BUB1: variants seen among roughly 807,000 people sequenced by gnomAD.
BUB1 encodes the protein mitotic checkpoint serine/threonine-protein kinase BUB1.
BUB1 carries 84 observed loss-of-function variants against 135.2 expected under a neutral mutation model. That is an observed-to-expected ratio of 0.62 (90% CI 0.52 to 0.74). The LOEUF (loss-of-function observed/expected upper bound fraction) is 0.74, where lower values mean the gene tolerates loss of function less well. Ranked by LOEUF, BUB1 falls within the 30% of genes least tolerant of loss-of-function variation. The pLI is 0.00. For missense variants in BUB1, 1,162 were observed against 1,288.3 expected, an observed-to-expected ratio of 0.90 and a Z score of 1.50; for synonymous variants, 403 against 434.4, an observed-to-expected ratio of 0.93 and a Z score of 0.90.
In BUB1 at chr2:110,641,649, G is replaced by A; in HGVS notation, c.2618C>T (p.Thr873Ile). ...ATAAAAATGAATACTTACTAATAAT[G>A]TTCCATAGCTGTAGAGCTCTCCTAC... ...VLVGELYSYG[T>I]LLNAINLYKN... The change falls in exon 21 of 25, where the codon ACA (threonine) becomes ATA (isoleucine). Residue 873 changes from threonine to isoleucine, a missense_variant. Thr to Ile is a moderately conservative substitution (Grantham distance 89). Transcript: ENST00000302759. 1 of 1,611,130 alleles carries A rather than the reference G, an allele frequency of 6.2e-7. No homozygotes were observed.
intron 24 of BUB1, among the ~76,000 whole-genome samples, chr2:110,638,926 C>CT (rs954149224): frequency 1.5e-4 from 22 of 147,730 alleles, no homozygotes; most frequent in Admixed American, 4.1e-4. Context: ...TGCCATTTTT[C>CT]TTTTTTTTTT....
rs750915027 is a variant in BUB1 at position 110,667,531 on chromosome 2, A to G, written c.795T>C (p.His265=). ...CAAGATTGCAAGTACCCCATTGCTC[A>G]TGCTTTCTCCGTTGATTGTATTTCT... The part of the protein sequence containing the change: ...RAQKYNQRRK[H]EQWVNEDRHY... The change falls in exon 8 of 25, where the codon CAT becomes CAC. Residue 265 remains histidine (H), a synonymous_variant. Transcript: ENST00000302759. 1.2e-6 allele frequency: 2 copies of G among 1,611,910 alleles called. No homozygotes were observed. Among genetic ancestry groups the G allele is most frequent in the African/African-American group, 2.7e-5 (2 of 74,802 alleles).
chr2:110,662,565 C>T (rs968615153), intron 9 of BUB1, among the ~76,000 whole-genome samples: 5 of 152,070 alleles, frequency 3.3e-5, no homozygotes, highest in African/African-American at 1.2e-4. Context: ...TTTGGGAGAC[C>T]GAGGCTGGTG....
At chr2:110,671,330 G>A (rs1465720635) in intron 4 of BUB1, among the ~76,000 whole-genome samples, 1 of 152,192 alleles carries the variant, frequency 6.6e-6, no homozygotes, top group Admixed American at 6.5e-5. Context: ...ATATTTTGCT[G>A]TTATGGATCG....
intron 9 of BUB1, among the ~76,000 whole-genome samples, chr2:110,664,797 T>C (rs1223596028): frequency 2.0e-5 from 3 of 151,736 alleles, no homozygotes; most frequent in Non-Finnish European, 2.9e-5. Context: ...AATAGAAAAA[T>C]GGACAAAGCC....
In BUB1 at chr2:110,667,504, T is replaced by C. The variant is rs186994677; in HGVS notation, c.805+17A>G. 18 of 1,589,498 alleles carry C rather than the reference T, an allele frequency of 1.1e-5. No homozygotes were observed. In the East Asian group the frequency reaches 4.0e-4, roughly 36 times the overall value. On this transcript the variant is annotated intron_variant, in intron 8 of 24. Coordinates refer to ENST00000302759, the MANE Select transcript of BUB1 (RefSeq NM_004336.5). The stretch of plus-strand genomic sequence containing the variant: ...TATGTGACATAAGAATAACTAAAAA[T>C]ACAAGATTGCAAGTACCCCATTGCT...
intron 16 of BUB1, 112 bp from the exon 17 acceptor site, chr2:110,653,635 TATG>T (rs547478035): frequency 3.6e-6 from 3 of 828,044 alleles, no homozygotes; most frequent in Non-Finnish European, 5.8e-6. Context: ...TGACTTGCAT[TATG>T]ATTTCAAAAT....
At chr2:110,644,415 T>G (rs1305414366) in intron 19 of BUB1, among the ~76,000 whole-genome samples, 1 of 147,756 alleles carries the variant, frequency 6.8e-6, no homozygotes, top group East Asian at 2.0e-4. Context: ...AGGCGGAGGT[T>G]GCAGTGCACC....
Position 110,672,621 on chromosome 2 carries a change from A to G in BUB1, c.422+40T>C, listed in dbSNP as rs780524401. On this transcript the variant is annotated intron_variant, in intron 4 of 24. Coordinates refer to ENST00000302759, the MANE Select transcript of BUB1 (RefSeq NM_004336.5). ...TTTTTAACAGCAAACATTACTTTTC[A>G]AAGTCAGAATCATCACAGAGAGTTT... 5 of 1,514,650 alleles carry G rather than the reference A, an allele frequency of 3.3e-6. No homozygotes were observed. The East Asian group carries it at 9.1e-5, about 28-fold the overall frequency. 93.8% of individuals were successfully genotyped at this position (1,514,650 alleles called of 1,614,324 possible).
rs369663570 is a variant in BUB1 at position 110,674,095 on chromosome 2, A to G, written c.216T>C (p.Cys72=). 10 of 1,524,458 alleles carry G rather than the reference A, an allele frequency of 6.6e-6. No homozygotes were observed. Among genetic ancestry groups the G allele is most frequent in the Admixed American group, 1.8e-5 (1 of 56,734 alleles). The allele number at this position is 1,524,458 out of a possible 1,614,324, so 94.4% of individuals were successfully genotyped here. ...TCTTAAGTATACTTACAAATTTTAA[A>G]CAATAACTGATGAATCTTGGGTCAT... ...YHNDPRFISY[C]LKFAEYNSDL... The change falls in exon 3 of 25, where the codon TGT becomes TGC. Residue 72 remains cysteine (C), a synonymous_variant. Transcript: ENST00000302759.
intron 1 of BUB1, 32 bp downstream of exon 1, chr2:110,677,938 G>C: frequency 1.9e-6 from 3 of 1,602,458 alleles, no homozygotes; most frequent in Non-Finnish European, 2.6e-6. Context: ...CCAGCCCCCT[G>C]GGCTTCCCCA....
intron 4 of BUB1, 60 bp from the exon 5 acceptor site, chr2:110,670,628 G>T: frequency 6.5e-7 from 1 of 1,535,556 alleles, no homozygotes; most frequent in Non-Finnish European, 9.0e-7. Context: ...ATAGCTGTTA[G>T]AGTGAAAACT....
rs1574323503 is a variant in BUB1, at chr2:110,655,599, A to G, written c.1876+140T>C. 26 of 830,854 alleles carry G rather than the reference A, an allele frequency of 3.1e-5. No homozygotes were observed. In the East Asian group the frequency reaches 6.9e-4, roughly 22 times the overall value. The allele number at this position is 830,854 out of a possible 1,614,324, so 51.5% of individuals were successfully genotyped here. A position where few individuals can be genotyped will look rare whatever the true frequency, so the allele number is the denominator to read the frequency against. The stretch of plus-strand genomic sequence containing the variant: ...CTATGAACAAAAATACAATGAACAG[A>G]TTTTAAGTTTCTTCTTTATGATTTT... On this transcript the variant is annotated intron_variant, in intron 16 of 24. Transcript: ENST00000302759.
intron 19 of BUB1, 101 bp downstream of exon 19, chr2:110,649,133 G>A: frequency 8.7e-7 from 1 of 1,155,336 alleles, no homozygotes; most frequent in Non-Finnish European, 1.2e-6. Flanking sequence ...GAGGTTGGGG[G>A]GCAAATAGGA....
At chr2:110,656,580 T>C (rs1689940258) in intron 15 of BUB1, among the ~76,000 whole-genome samples, 1 of 152,214 alleles carries the variant, frequency 6.6e-6, no homozygotes, top group African/African-American at 2.4e-5. Context: ...TTCTTCTCAT[T>C]ACATCATATT....
Position 110,642,213 on chromosome 2 carries a change from T to G in BUB1, c.2369A>C (p.His790Pro), listed in dbSNP as rs1348939512. 6.2e-7 allele frequency: 1 copy of G among 1,613,152 alleles called. No homozygotes were observed. The highest frequency in any genetic ancestry group is 2.2e-5 in the East Asian group (1 of 44,870). ...AAAGGCTCCTTCTCCAAGAAGGTGA[T>G]GGACATAGACCAGCTTAGAACCTTA... ...FQLGSKLVYV[H>P]HLLGEGAFAQ... The change falls in exon 20 of 25, where the codon CAT becomes CCT. Residue 790 changes from histidine to proline, a missense_variant. By Grantham distance (77) the His-to-Pro change is moderately conservative. Transcript: ENST00000302759.
intron 8 of BUB1, 83 bp downstream of exon 8, chr2:110,667,438 T>A: frequency 7.5e-7 from 1 of 1,331,844 alleles, no homozygotes; most frequent in Non-Finnish European, 1.0e-6. Flanking sequence ...CATAGTCAAT[T>A]ATTCTTTAAA....
At chr2:110,639,870 A>G in intron 23 of BUB1, 22 bp from the exon 24 acceptor site, 2 of 1,571,214 alleles carry the variant, frequency 1.3e-6, no homozygotes, top group Non-Finnish European at 8.8e-7. Flanking sequence ...ATAGAGGTAT[A>G]TATGACTTAA....
chr2:110,668,306 ACT>A (rs1456163498), intron 6 of BUB1, among the ~76,000 whole-genome samples: 1 of 151,970 alleles, frequency 6.6e-6, no homozygotes, highest in Non-Finnish European at 1.5e-5. Flanking sequence ...TCCATGTCAC[ACT>A]CTGAGCTAGG....
Sources: allele counts gnomAD v4.1 joint callset (sites outside exome capture counted in the v4.1 genomes callset), GRCh38; gene constraint gnomAD v4.1.1; transcripts MANE v1.5; gene names NCBI Gene and HGNC (gene_info 2026-07-23, HGNC 2026-07-21).